Variants in FAM168A observed in about 807,000 individuals in gnomAD.
The protein encoded by FAM168A is protein FAM168A.
Under a neutral mutation model 28.5 loss-of-function variants are expected in FAM168A, and 3 were observed. The observed-to-expected ratio is 0.11, with a 90% CI of 0.05 to 0.27. The LOEUF is 0.27. FAM168A is among the 10% of genes least tolerant of loss of function. FAM168A has a pLI of 1.00. For missense variants in FAM168A, 222 were observed against 311.5 expected (o/e 0.71, Z 2.16); for synonymous variants, 122 against 124.2 (o/e 0.98, Z 0.12).
At chr11:73,559,338 C>T (rs899441704) in intron 1 of FAM168A, among the ~76,000 whole-genome samples, 5 of 151,864 alleles carry the variant, frequency 3.3e-5, no homozygotes, top group Non-Finnish European at 7.4e-5. Flanking sequence ...ATCCAGGAGG[C>T]GGAGGATGCA....
Position 73,542,360 on chromosome 11 carries a change from A to G in FAM168A, c.-19+55563T>C, listed in dbSNP as rs113550310. On this transcript the variant is annotated intron_variant, in intron 1 of 7. Transcript: ENST00000356467. Reference sequence around the variant, plus strand: ...CTGTTTCCCAACTCTATAAGTGGCAATTCTAATCTTGTAGTTGCTCAAGGC... The same window carrying G: ...CTGTTTCCCAACTCTATAAGTGGCAGTTCTAATCTTGTAGTTGCTCAAGGC... Among the ~76,000 whole-genome samples the G allele has an allele frequency of 2.4e-3, 362 of 152,302 alleles. 3 individuals are homozygous for G. Among genetic ancestry groups the G allele is most frequent in the African/African-American group, 8.2e-3 (342 of 41,574 alleles).
chr11:73,421,615 T>TG (rs10712551), intron 3 of FAM168A, among the ~76,000 whole-genome samples: 20 of 151,952 alleles, frequency 1.3e-4, no homozygotes, highest in Admixed American at 5.9e-4. Flanking sequence ...TTCTTTTCTT[T>TG]GGGGGGGTGG....
intron 2 of FAM168A, 44 bp from the exon 3 acceptor site, chr11:73,430,814 AC>A (rs1290858452): frequency 8.3e-6 from 11 of 1,328,488 alleles, no homozygotes; most frequent in East Asian, 2.4e-5. Flanking sequence ...GGCAAAAAAA[AC>A]AAAACAAAAC....
chr11:73,523,864 A>ATTTT (rs112025313), intron 1 of FAM168A, among the ~76,000 whole-genome samples: 1,529 of 145,250 alleles, frequency 0.011, 37 homozygotes, highest in African/African-American at 0.037. Context: ...CTTTTCCCCT[A>ATTTT]TTTTTTTTTT....
Position 73,419,905 on chromosome 11 carries a change from G to A in FAM168A, c.246C>T (p.Asn82=), listed in dbSNP as rs1415451723. ...FHLPVDTGTE[N]RTYQASSAAF... Reference sequence around the variant, plus strand: ...CCGCAGAGGATGCTTGGTAAGTTCGGTTCTCGGTCCCGGTGTCCACTGGGA... The same window carrying A: ...CCGCAGAGGATGCTTGGTAAGTTCGATTCTCGGTCCCGGTGTCCACTGGGA... Residue 82 remains asparagine, a synonymous_variant, in exon 4 of 8, where the codon AAC becomes AAT. Transcript: ENST00000356467. 6.2e-7 allele frequency: 1 copy of A among 1,614,106 alleles called. No homozygotes were observed.
chr11:73,581,726 G>GTT (rs1249756039), intron 1 of FAM168A, among the ~76,000 whole-genome samples: 3 of 148,028 alleles, frequency 2.0e-5, no homozygotes, highest in African/African-American at 7.4e-5. Context: ...CTTGGTTTTT[G>GTT]TTTTTTTTTT....
chr11:73,467,671 G>T (rs1867756199), intron 2 of FAM168A, among the ~76,000 whole-genome samples: 1 of 152,192 alleles, frequency 6.6e-6, no homozygotes. Context: ...AAGCCCCACA[G>T]GGTTCCCTTG....
intron 1 of FAM168A, among the ~76,000 whole-genome samples, chr11:73,545,632 T>C (rs1272115860): frequency 1.3e-5 from 2 of 151,782 alleles, no homozygotes; most frequent in Non-Finnish European, 2.9e-5. Context: ...TTTTAAAATA[T>C]AATCTTGGGC....
At chr11:73,555,532 C>T (rs1429702339) in intron 1 of FAM168A, among the ~76,000 whole-genome samples, 1 of 151,832 alleles carries the variant, frequency 6.6e-6, no homozygotes, top group African/African-American at 2.4e-5. Flanking sequence ...TGGCGAAACC[C>T]CATCTCTACT....
intron 1 of FAM168A, among the ~76,000 whole-genome samples, chr11:73,482,979 A>T (rs1358407103): frequency 6.6e-6 from 1 of 152,128 alleles, no homozygotes; most frequent in Non-Finnish European, 1.5e-5. Context: ...TCCTCAGGTG[A>T]TCTGCCCACC....
chr11:73,589,317 G>A (rs533398923), intron 1 of FAM168A, among the ~76,000 whole-genome samples: 32 of 152,188 alleles, frequency 2.1e-4, no homozygotes, highest in African/African-American at 7.0e-4. Context: ...AACAGAGCAT[G>A]AAAAGCTCAG....
chr11:73,524,577 T>C (rs1943426681), intron 1 of FAM168A, among the ~76,000 whole-genome samples: 1 of 152,090 alleles, frequency 6.6e-6, no homozygotes, highest in African/African-American at 2.4e-5. Flanking sequence ...TATATACATA[T>C]ATATGTGTGT....
At chr11:73,534,647 G>A (rs1943554724) in intron 1 of FAM168A, among the ~76,000 whole-genome samples, 1 of 128,878 alleles carries the variant, frequency 7.8e-6, no homozygotes, top group African/African-American at 3.0e-5. Flanking sequence ...AGGTGATCTG[G>A]CCCCCTCAGC....
At position 73,468,952 on chromosome 11, in the gene FAM168A, T is replaced by A. The variant is rs542229802; in HGVS notation, c.-18-460A>T. Among the ~76,000 whole-genome samples the A allele has an allele frequency of 7.4e-4, 113 of 152,354 alleles. 1 individual carries two copies. Among genetic ancestry groups the A allele is most frequent in the African/African-American group, 2.6e-3 (109 of 41,586 alleles). On this transcript the variant is annotated intron_variant, in intron 1 of 7. Coordinates refer to ENST00000356467, the MANE Select transcript of FAM168A (RefSeq NM_015159.3). ...TCTACGGTTCACTAGAGGAGCTTGG[T>A]GTCTGGTGACGAGCAAACAGACTGC...
intron 1 of FAM168A, among the ~76,000 whole-genome samples, chr11:73,547,404 T>C (rs926125374): frequency 6.6e-6 from 1 of 151,832 alleles, no homozygotes; most frequent in African/African-American, 2.4e-5. Context: ...GTGCTGTTGG[T>C]GGGAACATAA....
chr11:73,559,856 T>C (rs1943937188), intron 1 of FAM168A, among the ~76,000 whole-genome samples: 1 of 152,200 alleles, frequency 6.6e-6, no homozygotes, highest in South Asian at 2.1e-4. Context: ...TTCCCAAAAA[T>C]TGTTTTGTTA....
chr11:73,463,959 T>G (rs112242843), intron 2 of FAM168A, among the ~76,000 whole-genome samples: 49 of 152,168 alleles, frequency 3.2e-4, no homozygotes, highest in African/African-American at 1.2e-3. Flanking sequence ...AGGAGATCAG[T>G]TTGAACATCA....
intron 2 of FAM168A, among the ~76,000 whole-genome samples, chr11:73,438,274 C>T (rs1018100522): frequency 2.0e-5 from 3 of 152,088 alleles, no homozygotes; most frequent in African/African-American, 7.2e-5. Flanking sequence ...AAGATATAAT[C>T]AGAGAATGCT....
intron 1 of FAM168A, among the ~76,000 whole-genome samples, chr11:73,578,733 T>C (rs542620483): frequency 6.6e-6 from 1 of 152,340 alleles, no homozygotes; most frequent in South Asian, 2.1e-4. Flanking sequence ...AATGAAATGT[T>C]AATTACAAAA....
Sources: gnomAD v4.1 joint callset for allele counts (sites outside exome capture counted in the v4.1 genomes callset) on GRCh38, gnomAD v4.1.1 for gene constraint, MANE v1.5 for transcripts, NCBI Gene and HGNC (gene_info 2026-07-23, HGNC 2026-07-21) for gene names.